ZDHHC13: variants seen among roughly 807,000 people sequenced by gnomAD.
ZDHHC13 encodes zDHHC palmitoyltransferase 13, also known as palmitoyltransferase ZDHHC13.
Under a neutral mutation model 86.0 loss-of-function variants are expected in ZDHHC13, and 85 were observed. The ratio of observed to expected loss-of-function variants is 0.99; its 90% confidence interval spans 0.83 to 1.18. The LOEUF (loss-of-function observed/expected upper bound fraction) is 1.18. Among genes scored for constraint, ZDHHC13 ranks in the 50% most tolerant of loss-of-function variants. The pLI, the probability that ZDHHC13 is intolerant of heterozygous loss-of-function variation, is 0.00. For missense variants in ZDHHC13, 711 were observed against 730.2 expected, an observed-to-expected ratio of 0.97 and a Z score of 0.30; for synonymous variants, 263 against 246.4, an observed-to-expected ratio of 1.07 and a Z score of -0.63.
chr11:19,140,103 G>T (rs1210155153), intron 1 of ZDHHC13, among the ~76,000 whole-genome samples: 2 of 149,436 alleles, frequency 1.3e-5, no homozygotes, highest in African/African-American at 4.9e-5. Context: ...CACAGCAAAA[G>T]AAACTACCAT....
At chr11:19,145,760 C>T (rs1165956068) in intron 2 of ZDHHC13, among the ~76,000 whole-genome samples, 5 of 152,120 alleles carry the variant, frequency 3.3e-5, no homozygotes, top group South Asian at 2.1e-4. Context: ...TTCCATATTT[C>T]GTTGTGGAAT....
rs1286258755 is a variant in ZDHHC13, at chr11:19,117,893, C to T, written c.27+617C>T. The T allele has an allele frequency of 1.3e-5, 2 of 152,206 alleles. No homozygotes were observed. The highest frequency in any genetic ancestry group is 3.2e-3 in the Middle Eastern group (1 of 316). 9.4% of individuals were successfully genotyped at this position (152,206 alleles called of 1,614,324 possible). ...GAGGAGGTGTTATATAAAAGCCAGA[C>T]GGAGGTCCAAAGAAGCCAGGCGGGC... is the stretch of plus-strand genomic sequence containing the variant. On this transcript the variant is annotated intron_variant, in intron 1 of 16. Transcript: ENST00000446113. The surrounding 1 kb of genome is among the most constrained non-coding windows in gnomAD (Gnocchi z 4.2).
chr11:19,135,284 C>T (rs962007660), intron 1 of ZDHHC13, among the ~76,000 whole-genome samples: 1 of 152,194 alleles, frequency 6.6e-6, no homozygotes, highest in African/African-American at 2.4e-5. Flanking sequence ...CAGGGAGTTC[C>T]CTTTCCTAGT....
intron 13 of ZDHHC13, 143 bp from the exon 14 acceptor site, chr11:19,166,159 A>G (rs1850059396): frequency 3.1e-6 from 2 of 645,494 alleles, no homozygotes; most frequent in Non-Finnish European, 5.3e-6. Context: ...GGTTTGATTT[A>G]ATGGTACTTA....
Position 19,165,152 on chromosome 11 carries a change from G to T in ZDHHC13, c.1390+7G>T, listed in dbSNP as rs1432590830. The T allele has an allele frequency of 1.2e-6, 2 of 1,607,256 alleles. No individual in the cohort carries two copies. Among genetic ancestry groups the T allele is most frequent in the Non-Finnish European group, 8.5e-7 (1 of 1,176,736 alleles). ...TGGACTGGACGGTGCATAGGTGAGA[G>T]ATTTAATTTTTCAATTACTACTGTG... is the stretch of plus-strand genomic sequence containing the variant. On this transcript the variant is annotated splice_region_variant and intron_variant, in intron 13 of 16. Coordinates refer to ENST00000446113, the MANE Select transcript of ZDHHC13 (RefSeq NM_019028.3).
intron 9 of ZDHHC13, 53 bp from the exon 10 acceptor site, chr11:19,158,887 C>T (rs1003803051): frequency 8.1e-7 from 1 of 1,235,564 alleles, no homozygotes; most frequent in African/African-American, 1.5e-5. Context: ...AAATTTAGAA[C>T]TAAAATTAAT....
intron 12 of ZDHHC13, 47 bp from the exon 13 acceptor site, chr11:19,165,005 T>C (rs749513420): frequency 3.9e-6 from 6 of 1,556,706 alleles, no homozygotes; most frequent in Non-Finnish European, 5.3e-6. Flanking sequence ...TTGTTACCAC[T>C]TTGAGACACT....
At chr11:19,167,998 G>A (rs978409859) in intron 14 of ZDHHC13, 2 of 152,066 alleles carry the variant, frequency 1.3e-5, no homozygotes, top group Non-Finnish European at 2.9e-5. Context: ...ATTTTTTGTA[G>A]AGATGGCATC....
At chr11:19,137,721 A>G (rs945710358) in intron 1 of ZDHHC13, among the ~76,000 whole-genome samples, 4 of 152,264 alleles carry the variant, frequency 2.6e-5, no homozygotes, top group African/African-American at 9.6e-5. Flanking sequence ...CTCTCAGACC[A>G]CAGTGCAATC....
intron 1 of ZDHHC13, among the ~76,000 whole-genome samples, chr11:19,133,402 CACACAT>C (rs749213312): frequency 0.038 from 4,782 of 126,626 alleles, 126 homozygotes; most frequent in East Asian, 0.14. Flanking sequence ...CACACACACA[CACACAT>C]ATATATATAT....
intron 1 of ZDHHC13, among the ~76,000 whole-genome samples, chr11:19,124,663 G>A (rs1007257917): frequency 2.0e-5 from 3 of 151,698 alleles, no homozygotes. Context: ...TATAATTACT[G>A]TGATATCAGG....
chr11:19,149,155 CT>C, intron 4 of ZDHHC13, 31 bp from the exon 5 acceptor site: 1 of 1,480,210 alleles, frequency 6.8e-7, no homozygotes. Flanking sequence ...TTTCTGCATG[CT>C]ACAGAATGGC....
chr11:19,175,389 C>CAAAAAAAAAAAAAAAAAAAA lies in ZDHHC13; in HGVS notation c.1731-424_1731-405dup. 1.2e-4 allele frequency among the ~76,000 whole-genome samples: 7 copies of CAAAAAAAAAAAAAAAAAAAA among 56,378 alleles called. 1 individual carries two copies. Among genetic ancestry groups the CAAAAAAAAAAAAAAAAAAAA allele is most frequent in the Non-Finnish European group, 2.2e-4 (7 of 31,342 alleles). 37.0% of individuals were successfully genotyped at this position (56,378 alleles called of 152,430 possible). Reference sequence around the variant, plus strand: ...TGGGTGACAGAGCGAGACTCCGTCTCAAAAAAAAAAAAAAAAAAAAAAAAA... The same window carrying CAAAAAAAAAAAAAAAAAAAA: ...TGGGTGACAGAGCGAGACTCCGTCTCAAAAAAAAAAAAAAAAAAAAAAAAAAAAAAAAAAAAAAAAAAAAA... On this transcript the variant is annotated intron_variant, in intron 16 of 16. Transcript: ENST00000446113.
At chr11:19,133,817 G>A (rs200145764) in intron 1 of ZDHHC13, among the ~76,000 whole-genome samples, 8 of 151,192 alleles carry the variant, frequency 5.3e-5, no homozygotes, top group African/African-American at 1.7e-4. Flanking sequence ...GCATGTGTCC[G>A]GGCAGTCTTC....
chr11:19,163,345 T>C lies in ZDHHC13; in HGVS notation c.1151T>C (p.Ile384Thr). ...APFYFSFIFS[I>T]VAFLYFFYKT... ...TTCTATTTCAGTTTCATTTTCAGCATAGTAGCCTTTCTATACTTTTTCTAT... is the reference window on the plus strand; with the variant it reads ...TTCTATTTCAGTTTCATTTTCAGCACAGTAGCCTTTCTATACTTTTTCTAT... Residue 384 changes from isoleucine (I) to threonine (T), a missense_variant, in exon 11 of 17, where the codon ATA (isoleucine) becomes ACA (threonine). By Grantham distance (89) the Ile-to-Thr change is moderately conservative. Coordinates refer to ENST00000446113, the MANE Select transcript of ZDHHC13 (RefSeq NM_019028.3). 6.2e-7 allele frequency: 1 copy of C among 1,604,198 alleles called. No homozygotes were observed. Among genetic ancestry groups the C allele is most frequent in the African/African-American group, 1.3e-5 (1 of 74,462 alleles).
Position 19,145,523 on chromosome 11 carries a change from G to A in ZDHHC13, c.174-658G>A, listed in dbSNP as rs536270702. Among the ~76,000 whole-genome samples, 10 of 152,266 alleles carry A rather than the reference G, an allele frequency of 6.6e-5. No homozygotes were observed. In the South Asian group the frequency reaches 2.1e-3, roughly 32 times the overall value. ...AGCACAGAAGGCCCATGTGATCTTT[G>A]CCTATTGCGTCTGACCTCATGTCTC... On this transcript the variant is annotated intron_variant, in intron 2 of 16. Coordinates refer to ENST00000446113, the MANE Select transcript of ZDHHC13 (RefSeq NM_019028.3).
chr11:19,138,649 A>T (rs1565025085), intron 1 of ZDHHC13, among the ~76,000 whole-genome samples: 4 of 149,800 alleles, frequency 2.7e-5, no homozygotes, highest in Admixed American at 1.3e-4. Flanking sequence ...ATGAACATTG[A>T]TGCAAAAATC....
rs1282201230 is a variant in ZDHHC13, at chr11:19,117,170, A to C, written c.-80A>C. Reference sequence around the variant, plus strand: ...GGGCGCCAGCAGGAAGTGGGAGAAGAGGCGACCCAAGGCGGGCTGGCGGGC... The same window carrying C: ...GGGCGCCAGCAGGAAGTGGGAGAAGCGGCGACCCAAGGCGGGCTGGCGGGC... On this transcript the variant is annotated 5_prime_UTR_variant, in exon 1 of 17. Transcript: ENST00000446113. This position sits in a 1 kb window ranked among gnomAD's most constrained non-coding sequence, Gnocchi z 4.2. 41 of 1,478,788 alleles carry C rather than the reference A, an allele frequency of 2.8e-5. 1 individual carries two copies. Among genetic ancestry groups the C allele is most frequent in the African/African-American group, 2.0e-4 (14 of 71,076 alleles). 91.6% of individuals were successfully genotyped at this position (1,478,788 alleles called of 1,614,324 possible). A position where few individuals can be genotyped will look rare whatever the true frequency, so the allele number is the denominator to read the frequency against.
chr11:19,117,400 T>C lies in ZDHHC13; in HGVS notation c.27+124T>C. On this transcript the variant is annotated intron_variant, in intron 1 of 16. Transcript: ENST00000446113. This position sits in a 1 kb window ranked among gnomAD's most constrained non-coding sequence, Gnocchi z 4.2. ...TTTCGGGAGCGGCGGGGCCTAGGTCTGGGAAGCGGGAGCCTGGAAACACCA... is the reference window on the plus strand; with the variant it reads ...TTTCGGGAGCGGCGGGGCCTAGGTCCGGGAAGCGGGAGCCTGGAAACACCA... 1 of 1,024,076 alleles carries C rather than the reference T, an allele frequency of 9.8e-7. No homozygotes were observed. Among genetic ancestry groups the C allele is most frequent in the Non-Finnish European group, 1.3e-6 (1 of 749,832 alleles). The allele number at this position is 1,024,076 out of a possible 1,614,324, so 63.4% of individuals were successfully genotyped here. A position where few individuals can be genotyped will look rare whatever the true frequency, so the allele number is the denominator to read the frequency against.
Sources: allele counts gnomAD v4.1 joint callset (sites outside exome capture counted in the v4.1 genomes callset), GRCh38; gene constraint gnomAD v4.1.1; non-coding constraint Gnocchi (gnomAD v3.1); transcripts MANE v1.5; gene names NCBI Gene and HGNC (gene_info 2026-07-23, HGNC 2026-07-21).